Variants in SMYD3 observed in about 807,000 individuals in gnomAD.
SMYD3 encodes histone-lysine N-methyltransferase SMYD3.
A neutral mutation model predicts 57.7 loss-of-function variants in SMYD3; 36 were observed. The observed-to-expected ratio is 0.62, with a 90% CI of 0.48 to 0.82. The LOEUF is 0.82. SMYD3 is among the 40% of genes least tolerant of loss of function. The pLI, the probability that SMYD3 is intolerant of heterozygous loss-of-function variation, is 0.00. For synonymous variants in SMYD3, 211 were observed against 195.0 expected, an observed-to-expected ratio of 1.08 and a Z score of -0.68; for missense variants, 515 against 538.8, an observed-to-expected ratio of 0.96 and a Z score of 0.44.
chr1:245,808,586 C>T (rs1367271213), intron 10 of SMYD3, among the ~76,000 whole-genome samples: 1 of 152,146 alleles, frequency 6.6e-6, no homozygotes, highest in Admixed American at 6.5e-5. Flanking sequence ...GCCACTTTCC[C>T]CTTTCTCAAG....
chr1:245,953,022 A>T (rs1250611781), intron 5 of SMYD3, among the ~76,000 whole-genome samples: 2 of 152,186 alleles, frequency 1.3e-5, no homozygotes, highest in African/African-American at 4.8e-5. Flanking sequence ...GTAGGTGGCA[A>T]TTAGAGGCTG....
intron 5 of SMYD3, chr1:245,953,251 T>C (rs1246212062): frequency 2.0e-6 from 2 of 1,000,096 alleles, no homozygotes; most frequent in Non-Finnish European, 2.4e-6. Flanking sequence ...TCTTCTTCCA[T>C]AGTTTAAATT....
chr1:245,791,792 C>T (rs1167433371), intron 10 of SMYD3, among the ~76,000 whole-genome samples: 2 of 152,156 alleles, frequency 1.3e-5, no homozygotes, highest in Admixed American at 1.3e-4. Context: ...CTCCTCTTGC[C>T]TTCTCTGATT....
At chr1:245,840,492 G>C (rs1370331842) in intron 10 of SMYD3, among the ~76,000 whole-genome samples, 1 of 152,036 alleles carries the variant, frequency 6.6e-6, no homozygotes, top group Non-Finnish European at 1.5e-5. Flanking sequence ...AAGAGATACT[G>C]CCTGAAGTTG....
intron 5 of SMYD3, among the ~76,000 whole-genome samples, chr1:246,148,556 AG>A (rs1214544321): frequency 2.6e-5 from 4 of 152,306 alleles, no homozygotes; most frequent in Non-Finnish European, 4.4e-5. Flanking sequence ...CCAGCCACAG[AG>A]GTTTCCGGCC....
chr1:245,770,416 A>G (rs756938805), intron 10 of SMYD3, among the ~76,000 whole-genome samples: 2 of 152,206 alleles, frequency 1.3e-5, no homozygotes, highest in African/African-American at 2.4e-5. Context: ...AAGGACTACA[A>G]TCTATCTAGG....
At chr1:246,437,071 T>C (rs2067390732) in intron 1 of SMYD3, among the ~76,000 whole-genome samples, 1 of 152,038 alleles carries the variant, frequency 6.6e-6, no homozygotes, top group Admixed American at 6.6e-5. Context: ...AGCTAATTTT[T>C]TGTATTTATT....
At chr1:246,425,951 CT>C (rs1247525084) in intron 1 of SMYD3, 1 of 152,020 alleles carries the variant, frequency 6.6e-6, no homozygotes, top group African/African-American at 2.4e-5. Context: ...AGTATTTTAT[CT>C]TTTTTTCTTG....
chr1:245,828,995 G>A (rs1185882754), intron 10 of SMYD3, among the ~76,000 whole-genome samples: 5 of 151,346 alleles, frequency 3.3e-5, no homozygotes, highest in African/African-American at 7.3e-5. Context: ...GAGCCACCAC[G>A]CCCGGCCAGT....
chr1:246,241,423 T>C (rs1429838307), intron 5 of SMYD3, among the ~76,000 whole-genome samples: 1 of 152,236 alleles, frequency 6.6e-6, no homozygotes, highest in East Asian at 1.9e-4. Flanking sequence ...GAACCAGCCT[T>C]GCATCCCAGG....
At chr1:246,504,603 T>C (rs904895525) in intron 1 of SMYD3, among the ~76,000 whole-genome samples, 1 of 152,242 alleles carries the variant, frequency 6.6e-6, no homozygotes, top group Non-Finnish European at 1.5e-5. Flanking sequence ...GTTTTTTTAA[T>C]TCTATTTTGA....
intron 5 of SMYD3, among the ~76,000 whole-genome samples, chr1:246,314,795 T>TC (rs1572369641): frequency 1.3e-5 from 2 of 152,356 alleles, no homozygotes; most frequent in Admixed American, 6.5e-5. Flanking sequence ...GAATTGAAAC[T>TC]CATCATTAGA....
At chr1:246,117,358 T>C (rs1413503397) in intron 5 of SMYD3, among the ~76,000 whole-genome samples, 1 of 152,192 alleles carries the variant, frequency 6.6e-6, no homozygotes, top group African/African-American at 2.4e-5. Context: ...TTCTAGTTGG[T>C]TTCTCTGCTG....
intron 5 of SMYD3, among the ~76,000 whole-genome samples, chr1:246,309,577 A>G (rs2065040806): frequency 6.6e-6 from 1 of 152,198 alleles, no homozygotes; most frequent in Non-Finnish European, 1.5e-5. Context: ...AAAAAAATCT[A>G]CTGAAGTTAC....
At chr1:245,942,128 A>C (rs558735932) in intron 5 of SMYD3, among the ~76,000 whole-genome samples, 2 of 152,220 alleles carry the variant, frequency 1.3e-5, no homozygotes, top group Non-Finnish European at 2.9e-5. Context: ...ACACATAACA[A>C]TATTAACCTT....
intron 5 of SMYD3, among the ~76,000 whole-genome samples, chr1:246,046,898 T>C (rs1230405237): frequency 1.3e-5 from 2 of 151,722 alleles, no homozygotes; most frequent in Non-Finnish European, 2.9e-5. Context: ...AAATATTTTA[T>C]AAAAAGTAGC....
intron 5 of SMYD3, among the ~76,000 whole-genome samples, chr1:246,140,763 C>T (rs1029067540): frequency 1.3e-5 from 2 of 152,066 alleles, no homozygotes; most frequent in Non-Finnish European, 2.9e-5. Context: ...TAAGCACATG[C>T]CATCATGCCC....
intron 5 of SMYD3, among the ~76,000 whole-genome samples, chr1:246,142,648 G>C (rs767100922): frequency 2.8e-4 from 43 of 152,270 alleles, no homozygotes; most frequent in Middle Eastern, 3.4e-3. Context: ...TCTCAGAACA[G>C]TGCACGACTG....
intron 5 of SMYD3, among the ~76,000 whole-genome samples, chr1:246,112,540 T>A (rs979444138): frequency 6.6e-6 from 1 of 152,156 alleles, no homozygotes; most frequent in African/African-American, 2.4e-5. Flanking sequence ...ACACATAAAT[T>A]GCTAACAAAA....
Sources: allele counts gnomAD v4.1 joint callset (sites outside exome capture counted in the v4.1 genomes callset), GRCh38; gene constraint gnomAD v4.1.1; transcripts MANE v1.5; gene names NCBI Gene and HGNC (gene_info 2026-07-23, HGNC 2026-07-21).